The following STAM variants were observed in gnomAD, a reference collection of about 807,000 sequenced individuals.
STAM encodes the protein signal transducing adapter molecule 1.
A neutral mutation model predicts 63.4 loss-of-function variants in STAM; 16 were observed. That is an observed-to-expected ratio of 0.25 (90% CI 0.17 to 0.38). The LOEUF is 0.38. Among genes scored for constraint, STAM ranks in the 10% least tolerant of loss-of-function variants. The probability of loss-of-function intolerance (pLI) is 1.00; values close to 1 mark genes in which losing one functional copy is unlikely to be tolerated. For missense variants in STAM, 636 were observed against 657.1 expected, an observed-to-expected ratio of 0.97 and a Z score of 0.35; for synonymous variants, 238 against 223.9, an observed-to-expected ratio of 1.06 and a Z score of -0.56.
chr10:17,658,667 T>C (rs1241300379), intron 1 of STAM, among the ~76,000 whole-genome samples: 1 of 152,142 alleles, frequency 6.6e-6, no homozygotes, highest in Non-Finnish European at 1.5e-5. Flanking sequence ...GTATTTTTTT[T>C]GTAGAGGAGA....
intron 1 of STAM, among the ~76,000 whole-genome samples, chr10:17,656,907 C>G (rs145850510): frequency 1.3e-5 from 2 of 152,332 alleles, no homozygotes; most frequent in Non-Finnish European, 2.9e-5. Flanking sequence ...CGGTTTTTAA[C>G]TTTGATCCCA....
At chr10:17,686,486 C>CT (rs1835300670) in intron 4 of STAM, among the ~76,000 whole-genome samples, 1 of 151,404 alleles carries the variant, frequency 6.6e-6, no homozygotes, top group South Asian at 2.1e-4. Context: ...AAGTGATTCT[C>CT]CTGCCTCAGC....
chr10:17,705,133 C>G (rs1836201709), intron 11 of STAM, 109 bp downstream of exon 11: 1 of 843,158 alleles, frequency 1.2e-6, no homozygotes, highest in Admixed American at 2.2e-5. Context: ...TGTGGAGGAA[C>G]CAACTCTCAT....
intron 9 of STAM, among the ~76,000 whole-genome samples, chr10:17,701,141 TA>T (rs1835977418): frequency 6.6e-6 from 1 of 152,226 alleles, no homozygotes; most frequent in Admixed American, 6.5e-5. Flanking sequence ...TATTGGGATT[TA>T]AATTTGAGAT....
intron 1 of STAM, among the ~76,000 whole-genome samples, chr10:17,654,900 C>G (rs1554821969): frequency 6.6e-6 from 1 of 152,150 alleles, no homozygotes; most frequent in South Asian, 2.1e-4. Flanking sequence ...ATGTTGTTCT[C>G]TTATTATTCC....
At chr10:17,713,567 C>T (rs2131708007) in intron 13 of STAM, among the ~76,000 whole-genome samples, 1 of 152,240 alleles carries the variant, frequency 6.6e-6, no homozygotes, top group East Asian at 1.9e-4. Context: ...AGTGAATGGC[C>T]ACTCTACCAG....
At chr10:17,653,026 C>T (rs891874491) in intron 1 of STAM, among the ~76,000 whole-genome samples, 16 of 151,860 alleles carry the variant, frequency 1.1e-4, no homozygotes, top group African/African-American at 3.6e-4. Context: ...TTTGGTGGGC[C>T]CCTGGGATAA....
intron 8 of STAM, 138 bp from the exon 9 acceptor site, chr10:17,700,053 C>T (rs1188159923): frequency 1.1e-5 from 6 of 549,026 alleles, no homozygotes; most frequent in Non-Finnish European, 1.5e-5. Flanking sequence ...ATCTGCAACT[C>T]AGTTATTTCT....
intron 2 of STAM, among the ~76,000 whole-genome samples, chr10:17,666,485 G>C (rs915410275): frequency 7.0e-6 from 1 of 142,902 alleles, no homozygotes; most frequent in South Asian, 2.2e-4. Flanking sequence ...AGCTCCGCCT[G>C]CCGGGTTCAC....
At chr10:17,654,451 T>C (rs1833861274) in intron 1 of STAM, among the ~76,000 whole-genome samples, 1 of 152,118 alleles carries the variant, frequency 6.6e-6, no homozygotes, top group African/African-American at 2.4e-5. Flanking sequence ...CTCTATCTCC[T>C]GACCTCGTGA....
intron 2 of STAM, among the ~76,000 whole-genome samples, chr10:17,667,922 C>A (rs1044800452): frequency 6.6e-6 from 1 of 152,126 alleles, no homozygotes; most frequent in African/African-American, 2.4e-5. Flanking sequence ...CCTGAATGAG[C>A]GCAGAGCTGG....
At chr10:17,671,957 T>G (rs782660653) in intron 2 of STAM, among the ~76,000 whole-genome samples, 4 of 152,180 alleles carry the variant, frequency 2.6e-5, no homozygotes, top group Non-Finnish European at 5.9e-5. Context: ...TAATTTCCTT[T>G]AGAGTATACA....
At chr10:17,690,167 A>T (rs1159078059) in intron 5 of STAM, among the ~76,000 whole-genome samples, 2 of 152,204 alleles carry the variant, frequency 1.3e-5, no homozygotes, top group African/African-American at 4.8e-5. Flanking sequence ...TGGAACTAGA[A>T]CACAGGCATG....
intron 2 of STAM, among the ~76,000 whole-genome samples, chr10:17,669,306 G>T (rs1472827343): frequency 6.8e-6 from 1 of 147,946 alleles, no homozygotes; most frequent in African/African-American, 2.5e-5. Context: ...CTACCACATG[G>T]TTTTAATTAT....
intron 1 of STAM, among the ~76,000 whole-genome samples, chr10:17,656,390 A>G (rs548566112): frequency 2.0e-5 from 3 of 151,932 alleles, no homozygotes; most frequent in Non-Finnish European, 2.9e-5. Context: ...AGTTCTGATC[A>G]TGTGGTTAGG....
At chr10:17,713,350 T>C (rs1225910415) in intron 13 of STAM, among the ~76,000 whole-genome samples, 1 of 152,184 alleles carries the variant, frequency 6.6e-6, no homozygotes, top group Non-Finnish European at 1.5e-5. Context: ...GTATTTCTCC[T>C]CCGTACTTCC....
chr10:17,659,814 T>G (rs1370417867), intron 1 of STAM, among the ~76,000 whole-genome samples: 6 of 152,178 alleles, frequency 3.9e-5, no homozygotes, highest in Non-Finnish European at 7.3e-5. Flanking sequence ...CTTACATAAT[T>G]TTTCTTCTTT....
chr10:17,705,899 C>G (rs1250064441), intron 12 of STAM, among the ~76,000 whole-genome samples, 158 bp downstream of exon 12: 1 of 144,856 alleles, frequency 6.9e-6, no homozygotes, highest in Non-Finnish European at 1.5e-5. Flanking sequence ...GAGACTCTGT[C>G]TCTACCAAAA....
chr10:17,698,833 C>T (rs1835870395), intron 8 of STAM, among the ~76,000 whole-genome samples: 4 of 152,152 alleles, frequency 2.6e-5, no homozygotes, highest in Admixed American at 2.6e-4. Context: ...CCATGTTTTT[C>T]TTATGGGTAA....
Sources: allele counts gnomAD v4.1 joint callset (sites outside exome capture counted in the v4.1 genomes callset), GRCh38; gene constraint gnomAD v4.1.1; transcripts MANE v1.5; gene names NCBI Gene and HGNC (gene_info 2026-07-23, HGNC 2026-07-21).